The following LRBA variants were observed in gnomAD, a reference collection of about 807,000 sequenced individuals.
The protein encoded by LRBA is lipopolysaccharide-responsive and beige-like anchor protein.
LRBA carries 176 observed loss-of-function variants against 330.0 expected under a neutral mutation model. The ratio of observed to expected loss-of-function variants is 0.53; its 90% CI spans 0.47 to 0.60. The LOEUF is 0.60. Among genes scored for constraint, LRBA ranks in the 20% least tolerant of loss-of-function variants. The pLI is 0.00. For missense variants in LRBA, 3,259 were observed against 3,444.8 expected, an observed-to-expected ratio of 0.95 and a Z score of 1.35; for synonymous variants, 1,230 against 1,193.0, an observed-to-expected ratio of 1.03 and a Z score of -0.64.
intron 34 of LRBA, among the ~76,000 whole-genome samples, chr4:150,787,742 A>G (rs1429716468): frequency 6.6e-6 from 1 of 152,198 alleles, no homozygotes; most frequent in Non-Finnish European, 1.5e-5. Flanking sequence ...CTCTTGTGCT[A>G]TCAAATACTA....
At chr4:150,405,451 G>T (rs1746063474) in intron 47 of LRBA, among the ~76,000 whole-genome samples, 1 of 152,102 alleles carries the variant, frequency 6.6e-6, no homozygotes, top group East Asian at 1.9e-4. Flanking sequence ...TTTACTGTAT[G>T]ATGTTTTAAT....
Position 150,415,439 on chromosome 4 carries a change from A to C in LRBA, c.7193T>G (p.Leu2398Trp). The part of the protein sequence containing the change: ...TSEEFVHINR[L>W]ALESEFVSCQ... ...CAGAGTAGATGATTATTATCTTACCAATCTGTTTATGTGAACAAATTCTTC... is the reference window on the plus strand; with the variant it reads ...CAGAGTAGATGATTATTATCTTACCCATCTGTTTATGTGAACAAATTCTTC... Residue 2398 changes from leucine to tryptophan, a missense_variant and splice_region_variant, in exon 47 of 57, where the codon TTG becomes TGG. Coordinates refer to ENST00000651943, the MANE Select transcript of LRBA (RefSeq NM_001364905.1). 1 of 1,612,660 alleles carries C rather than the reference A, an allele frequency of 6.2e-7. No homozygotes were observed. The highest frequency in any genetic ancestry group is 1.1e-5 in the South Asian group (1 of 90,704).
intron 30 of LRBA, among the ~76,000 whole-genome samples, chr4:150,826,953 T>A (rs1746364793): frequency 6.6e-6 from 1 of 152,202 alleles, no homozygotes; most frequent in African/African-American, 2.4e-5. Flanking sequence ...TTCTAGGTGT[T>A]GTGCATGACT....
At chr4:150,859,897 T>C (rs986706605) in intron 22 of LRBA, among the ~76,000 whole-genome samples, 1 of 152,216 alleles carries the variant, frequency 6.6e-6, no homozygotes, top group Non-Finnish European at 1.5e-5. Flanking sequence ...ACTGTATGTA[T>C]AAAAGTATTA....
intron 2 of LRBA, among the ~76,000 whole-genome samples, chr4:151,004,388 AACTG>A (rs1246450733): frequency 2.6e-5 from 4 of 152,228 alleles, no homozygotes; most frequent in African/African-American, 7.2e-5. Flanking sequence ...CGGAGACGGC[AACTG>A]ACTAACAGGC....
intron 34 of LRBA, among the ~76,000 whole-genome samples, chr4:150,796,844 G>A (rs1296132151): frequency 2.0e-5 from 3 of 151,882 alleles, no homozygotes. Flanking sequence ...GCAATTTCAT[G>A]TAGACATAAG....
In LRBA at chr4:150,756,491, A is replaced by T. The variant is rs58589555; in HGVS notation, c.5645+5292T>A. On this transcript the variant is annotated intron_variant, in intron 35 of 56. Transcript: ENST00000651943. ...CCTTTATTTATCCAAATAAGAAAAA[A>T]CATTCAAGATTCATTGGCAAAGAAT... is the stretch of plus-strand genomic sequence containing the variant. Among the ~76,000 whole-genome samples, 512 of 152,342 alleles carry T rather than the reference A, an allele frequency of 3.4e-3. 29 individuals are homozygous for T. In the East Asian group the frequency reaches 0.088, roughly 26 times the overall value.
At chr4:150,351,665 G>C (rs775645677) in intron 47 of LRBA, among the ~76,000 whole-genome samples, 5 of 152,082 alleles carry the variant, frequency 3.3e-5, no homozygotes, top group Admixed American at 6.6e-5. Context: ...CTCCAGCCTG[G>C]GTGACAGAGT....
At chr4:150,347,876 T>A (rs776294920) in intron 48 of LRBA, among the ~76,000 whole-genome samples, 1 of 152,184 alleles carries the variant, frequency 6.6e-6, no homozygotes, top group Non-Finnish European at 1.5e-5. Flanking sequence ...TGATCACATA[T>A]GCTGAACTCA....
At chr4:150,427,106 G>T (rs1749740054) in intron 46 of LRBA, among the ~76,000 whole-genome samples, 1 of 151,892 alleles carries the variant, frequency 6.6e-6, no homozygotes, top group Non-Finnish European at 1.5e-5. Flanking sequence ...TTTAGTATGG[G>T]AGAAGAACCA....
chr4:150,778,759 C>G (rs1008650516), intron 34 of LRBA, among the ~76,000 whole-genome samples: 32 of 152,110 alleles, frequency 2.1e-4, no homozygotes, highest in African/African-American at 6.5e-4. Flanking sequence ...TAAATGTGTC[C>G]TATTAGTACA....
intron 34 of LRBA, among the ~76,000 whole-genome samples, chr4:150,785,803 C>T (rs1185267471): frequency 2.0e-5 from 3 of 152,048 alleles, no homozygotes; most frequent in Non-Finnish European, 4.4e-5. Context: ...TTGAAAGTAA[C>T]ATAGTATAAA....
chr4:150,900,290 G>C, intron 13 of LRBA, 73 bp from the exon 14 acceptor site: 2 of 1,132,288 alleles, frequency 1.8e-6, no homozygotes, highest in Non-Finnish European at 2.5e-6. Context: ...CTTCCAGGCT[G>C]TTTTATTTTC....
intron 42 of LRBA, among the ~76,000 whole-genome samples, chr4:150,485,713 T>A (rs139808727): frequency 1.1e-3 from 169 of 152,072 alleles, no homozygotes; most frequent in African/African-American, 3.8e-3. Context: ...TTGAACTTCT[T>A]GCCTCCAAAA....
At chr4:150,546,720 C>A (rs7690080) in intron 40 of LRBA, among the ~76,000 whole-genome samples, 64,209 of 152,014 alleles carry the variant, frequency 0.42, 14,791 homozygotes, top group Admixed American at 0.51. Context: ...AATAATAACA[C>A]AGTAAAATTG....
intron 13 of LRBA, among the ~76,000 whole-genome samples, chr4:150,902,453 G>T (rs1730845562): frequency 6.6e-6 from 1 of 151,932 alleles, no homozygotes; most frequent in African/African-American, 2.4e-5. Context: ...GGACTTCCTA[G>T]AACTAAATCA....
At position 150,735,246 on chromosome 4, in the gene LRBA, T is replaced by G. The variant is rs762047624; in HGVS notation, c.5754+12A>C. 6.3e-7 allele frequency: 1 copy of G among 1,590,466 alleles called. No individual in the cohort carries two copies. The highest frequency in any genetic ancestry group is 2.2e-5 in the East Asian group (1 of 44,736). On this transcript the variant is annotated intron_variant, in intron 36 of 56. Coordinates refer to ENST00000651943, the MANE Select transcript of LRBA (RefSeq NM_001364905.1). ...CGGTAACTTCCGCACACCAACCATA[T>G]GTGTAACCTACCTCAAATTCCGCAT...
chr4:150,529,306 G>C (rs764663902), intron 40 of LRBA, among the ~76,000 whole-genome samples: 9 of 152,158 alleles, frequency 5.9e-5, no homozygotes, highest in Non-Finnish European at 1.3e-4. Context: ...AATCCATTTT[G>C]TGAGGATCTA....
intron 34 of LRBA, among the ~76,000 whole-genome samples, chr4:150,776,116 T>C (rs944868910): frequency 6.6e-6 from 1 of 152,158 alleles, no homozygotes; most frequent in South Asian, 2.1e-4. Context: ...TCAATGGTCG[T>C]CTTTCACAAA....
Sources: gnomAD v4.1 joint callset for allele counts (sites outside exome capture counted in the v4.1 genomes callset) on GRCh38, gnomAD v4.1.1 for gene constraint, MANE v1.5 for transcripts, NCBI Gene and HGNC (gene_info 2026-07-23, HGNC 2026-07-21) for gene names.